FMNL2: variants seen among roughly 807,000 people sequenced by gnomAD.
FMNL2 encodes the protein formin like 2.
FMNL2 carries 51 observed loss-of-function variants against 130.2 expected under a neutral mutation model. That is an observed-to-expected ratio of 0.39 (90% CI 0.31 to 0.49). The LOEUF (loss-of-function observed/expected upper bound fraction) is 0.49, where lower values mean the gene tolerates loss of function less well. FMNL2 is among the 20% of genes least tolerant of loss of function. The probability of loss-of-function intolerance (pLI) is 0.85; values close to 1 mark genes in which losing one functional copy is unlikely to be tolerated. For synonymous variants in FMNL2, 465 were observed against 467.1 expected, an observed-to-expected ratio of 1.00 and a Z score of 0.06; for missense variants, 977 against 1,316.2, an observed-to-expected ratio of 0.74 and a Z score of 3.99.
intron 25 of FMNL2, among the ~76,000 whole-genome samples, chr2:152,642,882 G>A (rs1008921733): frequency 6.6e-6 from 1 of 151,930 alleles, no homozygotes; most frequent in African/African-American, 2.4e-5. Context: ...GGTGGCTGGT[G>A]TCTGTAATCC....
At chr2:152,393,362 G>C (rs1685222691) in intron 1 of FMNL2, among the ~76,000 whole-genome samples, 1 of 152,198 alleles carries the variant, frequency 6.6e-6, no homozygotes, top group Non-Finnish European at 1.5e-5. Flanking sequence ...TTGTGTTAAA[G>C]ATACCATAAT....
At position 152,575,165 on chromosome 2, in the gene FMNL2, T is replaced by C; in HGVS notation, c.626T>C (p.Leu209Pro). 1 of 1,606,260 alleles carries C rather than the reference T, an allele frequency of 6.2e-7. No homozygotes were observed. The highest frequency in any genetic ancestry group is 1.1e-5 in the South Asian group (1 of 89,618). The change falls in exon 7 of 26, where the codon CTG (leucine) becomes CCG (proline). Residue 209 changes from leucine (L) to proline (P), a missense_variant. By Grantham distance (98) the Leu-to-Pro change is moderately conservative. Around this residue, in one of 4 missense-constraint regions of FMNL2, gnomAD observed 689 missense variants for 995.9 expected, o/e 0.69. Coordinates refer to ENST00000288670, the MANE Select transcript of FMNL2 (RefSeq NM_052905.4). ...RYNTLPSRRT[L>P]KNSRLVSKKD... ...AATACATTGCCAAGCAGAAGAACTC[T>C]GAAAAATTCAAGATTAGTGAGTAAG...
At chr2:152,556,141 A>G (rs1309446799) in intron 4 of FMNL2, among the ~76,000 whole-genome samples, 1 of 152,190 alleles carries the variant, frequency 6.6e-6, no homozygotes, top group Admixed American at 6.5e-5. Context: ...GACTGAGATA[A>G]TAGTTAGAAA....
chr2:152,520,937 T>G (rs1211951209), intron 1 of FMNL2, among the ~76,000 whole-genome samples: 5 of 152,190 alleles, frequency 3.3e-5, no homozygotes, highest in Admixed American at 3.3e-4. Flanking sequence ...TCTGCTTGAA[T>G]ATTGACCCAG....
chr2:152,366,785 G>A (rs1056987842), intron 1 of FMNL2, among the ~76,000 whole-genome samples: 2 of 152,118 alleles, frequency 1.3e-5, no homozygotes, highest in Non-Finnish European at 2.9e-5. Flanking sequence ...GGGCAACACG[G>A]TGAAACCCCA....
At chr2:152,618,212 C>G (rs570154228) in intron 13 of FMNL2, among the ~76,000 whole-genome samples, 1 of 152,242 alleles carries the variant, frequency 6.6e-6, no homozygotes, top group African/African-American at 2.4e-5. Context: ...TGCTAAAAAG[C>G]TAGACAGAAA....
chr2:152,587,163 C>A (rs1558985486), intron 9 of FMNL2, among the ~76,000 whole-genome samples: 2 of 152,218 alleles, frequency 1.3e-5, no homozygotes, highest in Non-Finnish European at 2.9e-5. Flanking sequence ...ATCTGAAGAG[C>A]CACCATTCAA....
chr2:152,462,620 G>C (rs938336974), intron 1 of FMNL2, among the ~76,000 whole-genome samples: 3 of 152,122 alleles, frequency 2.0e-5, no homozygotes, highest in African/African-American at 7.2e-5. Context: ...AAATAAAGAA[G>C]GAACCACATC....
intron 1 of FMNL2, among the ~76,000 whole-genome samples, chr2:152,416,524 T>C (rs1435956024): frequency 6.6e-6 from 1 of 152,324 alleles, no homozygotes; most frequent in East Asian, 1.9e-4. Flanking sequence ...CCATAACATC[T>C]CAGTTTCTCT....
intron 9 of FMNL2, among the ~76,000 whole-genome samples, chr2:152,589,103 G>GC (rs1437506284): frequency 8.8e-6 from 1 of 113,294 alleles, no homozygotes; most frequent in Non-Finnish European, 1.7e-5. Context: ...TCCTGGGGGA[G>GC]CTTAAAAAAA....
chr2:152,434,969 G>A (rs1182410644), intron 1 of FMNL2, among the ~76,000 whole-genome samples: 1 of 151,992 alleles, frequency 6.6e-6, no homozygotes, highest in East Asian at 1.9e-4. Flanking sequence ...ATGTCCAGCA[G>A]GCTCTAGCAC....
chr2:152,493,651 A>G (rs1691339098), intron 1 of FMNL2, among the ~76,000 whole-genome samples: 1 of 152,142 alleles, frequency 6.6e-6, no homozygotes, highest in Non-Finnish European at 1.5e-5. Flanking sequence ...TGTTTGTTAA[A>G]AGAGCCTGGC....
intron 1 of FMNL2, among the ~76,000 whole-genome samples, chr2:152,498,591 G>T (rs548611289): frequency 6.6e-6 from 1 of 152,006 alleles, no homozygotes; most frequent in Non-Finnish European, 1.5e-5. Flanking sequence ...TGTTTAAGTC[G>T]TATTACTTCT....
chr2:152,639,015 C>G (rs1444823638), intron 23 of FMNL2, among the ~76,000 whole-genome samples: 1 of 151,408 alleles, frequency 6.6e-6, no homozygotes, highest in Non-Finnish European at 1.5e-5. Flanking sequence ...AGGTCCCAGC[C>G]TGTCCATCAG....
chr2:152,632,217 C>T, intron 21 of FMNL2, 80 bp downstream of exon 21: 1 of 1,523,282 alleles, frequency 6.6e-7, no homozygotes, highest in Non-Finnish European at 8.8e-7. Context: ...TGCTTAAACA[C>T]TTTTCAGAAC....
chr2:152,616,859 C>CT (rs927833061), intron 12 of FMNL2, among the ~76,000 whole-genome samples: 3 of 152,156 alleles, frequency 2.0e-5, no homozygotes, highest in Admixed American at 6.5e-5. Flanking sequence ...ATGTTGAACA[C>CT]TAAGGAGCAG....
rs138184136 is a variant in FMNL2, at chr2:152,438,007, A to G, written c.118-83936A>G. 3.3e-3 allele frequency among the ~76,000 whole-genome samples: 505 copies of G among 152,328 alleles called. 2 individuals are homozygous for G. Among genetic ancestry groups the G allele is most frequent in the African/African-American group, 0.012 (487 of 41,588 alleles). The stretch of plus-strand genomic sequence containing the variant: ...TTTGTCTTAAATTTGGACAGGATAA[A>G]TAAGAGACTTACATGGAAACTTTGG... On this transcript the variant is annotated intron_variant, in intron 1 of 25. Coordinates refer to ENST00000288670, the MANE Select transcript of FMNL2 (RefSeq NM_052905.4).
chr2:152,576,257 G>T (rs569757425), intron 7 of FMNL2, among the ~76,000 whole-genome samples: 109 of 151,168 alleles, frequency 7.2e-4, no homozygotes, highest in Admixed American at 2.0e-3. Context: ...ATTTTTTTTT[G>T]AACTTTGCCA....
intron 1 of FMNL2, among the ~76,000 whole-genome samples, chr2:152,506,792 T>C: frequency 6.6e-6 from 1 of 152,216 alleles, no homozygotes; most frequent in East Asian, 1.9e-4. Flanking sequence ...CTATTTATGT[T>C]CTACTAATTT....
Sources: gnomAD v4.1 joint callset for allele counts (sites outside exome capture counted in the v4.1 genomes callset) on GRCh38, gnomAD v4.1.1 for gene constraint, gnomAD v4.1.1 regional missense constraint, MANE v1.5 for transcripts, NCBI Gene and HGNC (gene_info 2026-07-23, HGNC 2026-07-21) for gene names.